HTR4: variants seen among roughly 807,000 people sequenced by gnomAD.
HTR4 encodes 5-hydroxytryptamine (serotonin) receptor 4, G protein-coupled.
In HTR4, 16 loss-of-function variants were observed where a neutral mutation model predicts 36.8. The observed-to-expected ratio is 0.43, with a 90% CI of 0.29 to 0.66. HTR4 has a LOEUF of 0.66. Among genes scored for constraint, HTR4 ranks in the 30% least tolerant of loss-of-function variants. The pLI, the probability that HTR4 is intolerant of heterozygous loss-of-function variation, is 0.13. For synonymous variants in HTR4, 189 were observed against 185.1 expected, an observed-to-expected ratio of 1.02 and a Z score of -0.17; for missense variants, 438 against 490.9, an observed-to-expected ratio of 0.89 and a Z score of 1.02.
chr5:148,604,647 T>C (rs1032085372), intron 2 of HTR4, among the ~76,000 whole-genome samples: 15 of 152,168 alleles, frequency 9.9e-5, no homozygotes, highest in African/African-American at 3.6e-4. Flanking sequence ...GTTGCATTCA[T>C]CCAATGGAAT....
intron 5 of HTR4, among the ~76,000 whole-genome samples, chr5:148,522,407 G>A (rs1174082457): frequency 1.3e-5 from 2 of 152,168 alleles, no homozygotes; most frequent in Non-Finnish European, 2.9e-5. Context: ...CAAGCTGTGT[G>A]ACATTGGGCA....
At chr5:148,565,659 C>T (rs1760403310) in intron 2 of HTR4, among the ~76,000 whole-genome samples, 1 of 152,120 alleles carries the variant, frequency 6.6e-6, no homozygotes, top group Non-Finnish European at 1.5e-5. Context: ...TATACACTCA[C>T]ACCTACACGC....
intron 2 of HTR4, among the ~76,000 whole-genome samples, chr5:148,614,069 G>A (rs1412169450): frequency 6.6e-6 from 1 of 151,852 alleles, no homozygotes; most frequent in Non-Finnish European, 1.5e-5. Context: ...ATGCTCATGG[G>A]TAGGAAGAAT....
chr5:148,582,878 A>C (rs1418781261), intron 2 of HTR4, among the ~76,000 whole-genome samples: 1 of 152,084 alleles, frequency 6.6e-6, no homozygotes, highest in Non-Finnish European at 1.5e-5. Context: ...TGTCGTCTGC[A>C]AACAGGGACA....
rs1404434023 is a variant in HTR4, at chr5:148,567,462, C to T, written c.27-17200G>A. Reference sequence around the variant, plus strand: ...AGGCAGACAATGTATGTTTTCCACTCAAAATTATTCAATGGCTTCCCAGCT... The same window carrying T: ...AGGCAGACAATGTATGTTTTCCACTTAAAATTATTCAATGGCTTCCCAGCT... On this transcript the variant is annotated intron_variant, in intron 2 of 6. Coordinates refer to ENST00000377888, the MANE Select transcript of HTR4 (RefSeq NM_000870.7). Among the ~76,000 whole-genome samples the T allele has an allele frequency of 3.3e-5, 5 of 152,242 alleles. No homozygotes were observed. In the East Asian group the frequency reaches 5.8e-4, roughly 18 times the overall value.
intron 1 of HTR4, among the ~76,000 whole-genome samples, chr5:148,640,580 G>A (rs1753700899): frequency 6.6e-6 from 1 of 152,180 alleles, no homozygotes; most frequent in Non-Finnish European, 1.5e-5. Context: ...CCAGTGTCCT[G>A]ACTACATAAT....
chr5:148,535,625 G>A (rs901026917), intron 4 of HTR4, among the ~76,000 whole-genome samples: 1 of 152,132 alleles, frequency 6.6e-6, no homozygotes, highest in Admixed American at 6.6e-5. Context: ...ATCAAGCTGA[G>A]GAAACTTTCT....
intron 4 of HTR4, among the ~76,000 whole-genome samples, chr5:148,533,990 A>T (rs953447894): frequency 6.6e-6 from 1 of 152,352 alleles, no homozygotes. Flanking sequence ...ATTCTAAGAA[A>T]TATAAAGGTG....
At chr5:148,452,259 C>T (rs776386981) in intron 5 of HTR4, among the ~76,000 whole-genome samples, 10 of 152,250 alleles carry the variant, frequency 6.6e-5, no homozygotes, top group East Asian at 1.9e-4. Flanking sequence ...AGCAAAATAA[C>T]GCATAGTCAA....
chr5:148,470,014 C>T (rs191782535), intron 5 of HTR4, among the ~76,000 whole-genome samples: 3 of 152,122 alleles, frequency 2.0e-5, no homozygotes, highest in African/African-American at 7.2e-5. Flanking sequence ...AGATGATGTA[C>T]GTGAAAGAGC....
intron 2 of HTR4, among the ~76,000 whole-genome samples, chr5:148,585,419 A>C (rs1307069390): frequency 2.0e-5 from 3 of 152,224 alleles, no homozygotes; most frequent in Non-Finnish European, 4.4e-5. Flanking sequence ...TAGAACGCTA[A>C]AGCTAGAAAG....
At chr5:148,649,143 A>C (rs1238087364) in intron 1 of HTR4, among the ~76,000 whole-genome samples, 1 of 152,192 alleles carries the variant, frequency 6.6e-6, no homozygotes, top group African/African-American at 2.4e-5. Context: ...AAAATCAAAG[A>C]CTAGGTGTGC....
chr5:148,491,874 G>A (rs1756461984), intron 6 of HTR4, among the ~76,000 whole-genome samples: 1 of 152,154 alleles, frequency 6.6e-6, no homozygotes, highest in South Asian at 2.1e-4. Flanking sequence ...TGTTAACCCT[G>A]CTGCGCACTC....
rs372325725 is a variant in HTR4 at position 148,507,336 on chromosome 5, G to C, written c.1076+2120C>G. Among the ~76,000 whole-genome samples, 27 of 133,046 alleles carry C rather than the reference G, an allele frequency of 2.0e-4. No individual in the cohort carries two copies. The East Asian group carries it at 6.2e-3, about 31-fold the overall frequency. The allele number at this position is 133,046 out of a possible 152,430, so 87.3% of individuals were successfully genotyped here. A position where few individuals can be genotyped will look rare whatever the true frequency, so the allele number is the denominator to read the frequency against. On this transcript the variant is annotated intron_variant, in intron 6 of 6. Transcript: ENST00000377888. ...GGGAATTGAACAATAAGAACATTTG[G>C]ACACAGGAAGGGGAACATCACACTC... is the stretch of plus-strand genomic sequence containing the variant.
rs186018576 is a variant in HTR4, at chr5:148,466,361, C to T, written c.1077-15089G>A. Among the ~76,000 whole-genome samples the T allele has an allele frequency of 5.2e-3, 792 of 152,330 alleles. 9 individuals are homozygous for T. The highest frequency in any genetic ancestry group is 0.015 in the African/African-American group (620 of 41,562). ...ACCGTCTCAATGTGATACTCCCTTT[C>T]CTTCTTTTAAACAAACAGCACTTTC... On this transcript the variant is annotated intron_variant, in intron 5 of 5. Transcript: ENST00000521530.
chr5:148,549,139 C>A (rs186899961), intron 3 of HTR4, among the ~76,000 whole-genome samples: 3 of 152,260 alleles, frequency 2.0e-5, no homozygotes, highest in East Asian at 3.9e-4. Flanking sequence ...TTTTCCTCCC[C>A]CTTCTGGCCA....
chr5:148,478,957 A>G (rs1023527651), downstream of HTR4, among the ~76,000 whole-genome samples: 2 of 152,060 alleles, frequency 1.3e-5, no homozygotes, highest in African/African-American at 4.8e-5. Flanking sequence ...CTGGGCCTAA[A>G]GGAGATGAAC....
chr5:148,650,862 A>G (rs1181064771), intron 1 of HTR4, among the ~76,000 whole-genome samples: 2 of 152,226 alleles, frequency 1.3e-5, no homozygotes, highest in African/African-American at 2.4e-5. Context: ...CCTGTTTTCT[A>G]GAGGCAGACT....
chr5:148,505,542 G>T (rs1561583796), intron 6 of HTR4, among the ~76,000 whole-genome samples: 1 of 152,136 alleles, frequency 6.6e-6, no homozygotes, highest in Non-Finnish European at 1.5e-5. Context: ...GCAGGAGAAA[G>T]AAATAAAGGG....
Sources: gnomAD v4.1 joint callset for allele counts (sites outside exome capture counted in the v4.1 genomes callset) on GRCh38, gnomAD v4.1.1 for gene constraint, MANE v1.5 for transcripts, NCBI Gene and HGNC (gene_info 2026-07-23, HGNC 2026-07-21) for gene names.